RYR3: variants seen among roughly 807,000 people sequenced by gnomAD.
RYR3 encodes ryanodine receptor 3, also known as brain ryanodine receptor-calcium release channel.
RYR3 carries 207 observed loss-of-function variants against 584.3 expected under a neutral mutation model. The observed-to-expected ratio is 0.35, with a 90% CI of 0.32 to 0.40. The LOEUF (loss-of-function observed/expected upper bound fraction) is 0.40. Among genes scored for constraint, RYR3 ranks in the 10% least tolerant of loss-of-function variants. RYR3 has a pLI of 1.00. For synonymous variants in RYR3, 2,416 were observed against 2,248.5 expected (o/e 1.07, Z -2.11); for missense variants, 5,616 against 6,089.2 (o/e 0.92, Z 2.59).
At chr15:33,723,174 G>T (rs1258187500) in intron 44 of RYR3, among the ~76,000 whole-genome samples, 1 of 152,224 alleles carries the variant, frequency 6.6e-6, no homozygotes, top group Non-Finnish European at 1.5e-5. Flanking sequence ...TCACCATGGG[G>T]TAGGAAGCTA....
intron 60 of RYR3, among the ~76,000 whole-genome samples, chr15:33,758,870 C>T (rs1429935214): frequency 2.0e-5 from 3 of 152,164 alleles, no homozygotes; most frequent in Non-Finnish European, 2.9e-5. Flanking sequence ...CAGCAGGGGT[C>T]GACAGACACC....
intron 61 of RYR3, 107 bp from the exon 62 acceptor site, chr15:33,769,005 T>A: frequency 1.2e-6 from 1 of 844,852 alleles, no homozygotes; most frequent in South Asian, 1.4e-5. Context: ...CTTTATGTGT[T>A]GGTAGTTAAT....
At chr15:33,326,824 T>G (rs1027327483) in intron 1 of RYR3, among the ~76,000 whole-genome samples, 22 of 152,294 alleles carry the variant, frequency 1.4e-4, no homozygotes, top group African/African-American at 4.8e-4. Context: ...AGTCTAAAAA[T>G]TTTGAACATA....
chr15:33,350,574 TG>T (rs1265851024), intron 1 of RYR3, among the ~76,000 whole-genome samples: 3 of 151,684 alleles, frequency 2.0e-5, no homozygotes, highest in African/African-American at 7.3e-5. Flanking sequence ...CAGACCACAG[TG>T]CAATCAAACT....
At chr15:33,413,123 A>G (rs1295479829) in intron 1 of RYR3, among the ~76,000 whole-genome samples, 1 of 152,218 alleles carries the variant, frequency 6.6e-6, no homozygotes. Context: ...AACCTCTTGA[A>G]TTCTGGCATG....
chr15:33,659,726 C>T lies in RYR3; in HGVS notation c.4315C>T (p.Pro1439Ser). The T allele has an allele frequency of 4.4e-6, 7 of 1,607,364 alleles. No individual in the cohort carries two copies. Among genetic ancestry groups the T allele is most frequent in the Non-Finnish European group, 6.0e-6 (7 of 1,173,938 alleles). Residue 1439 changes from proline (P) to serine (S), a missense_variant, in exon 33 of 104, where the codon CCT becomes TCT. Around this residue, in one of 9 missense-constraint regions of RYR3, gnomAD observed 753 missense variants for 741.0 expected, o/e 1.02. Transcript: ENST00000634891. ...GATTTGTTTTGATTTCCAGGTGGAG[C>T]CTAATACCAAAGTGTTTCCAGCAGT... is the stretch of plus-strand genomic sequence containing the variant. ...KELGTCYQVE[P>S]NTKVFPAVFL...
intron 1 of RYR3, among the ~76,000 whole-genome samples, chr15:33,461,779 C>T (rs2048057797): frequency 6.6e-6 from 1 of 152,184 alleles, no homozygotes; most frequent in South Asian, 2.1e-4. Flanking sequence ...TGCTGTCTTA[C>T]TCAGATTCTT....
Position 33,834,321 on chromosome 15 carries a change from CACAGTG to C in RYR3, c.11464-645_11464-640del, listed in dbSNP as rs751588710. Among the ~76,000 whole-genome samples the C allele has an allele frequency of 2.6e-3, 368 of 140,238 alleles. 2 individuals are homozygous for C. The highest frequency in any genetic ancestry group is 6.1e-3 in the East Asian group (28 of 4,590). 92.0% of individuals were successfully genotyped at this position (140,238 alleles called of 152,430 possible). A position where few individuals can be genotyped will look rare whatever the true frequency, so the allele number is the denominator to read the frequency against. On this transcript the variant is annotated intron_variant, in intron 86 of 103. Transcript: ENST00000634891. ...ACACACACACACACACACACACACA[CACAGTG>C]AGATTAACATGGAAAATGCAAACTA... is the stretch of plus-strand genomic sequence containing the variant.
intron 38 of RYR3, among the ~76,000 whole-genome samples, chr15:33,685,037 T>C: frequency 6.6e-6 from 1 of 151,950 alleles, no homozygotes; most frequent in Non-Finnish European, 1.5e-5. Context: ...ACTGTATCAA[T>C]TAACAGGCAA....
chr15:33,666,465 A>G (rs1283548759), intron 36 of RYR3, among the ~76,000 whole-genome samples: 1 of 152,218 alleles, frequency 6.6e-6, no homozygotes, highest in African/African-American at 2.4e-5. Flanking sequence ...CATCCCTCTC[A>G]GAGTATTCAC....
chr15:33,431,006 A>G (rs909189540), intron 1 of RYR3, among the ~76,000 whole-genome samples: 1 of 152,170 alleles, frequency 6.6e-6, no homozygotes, highest in Non-Finnish European at 1.5e-5. Context: ...AACTAGACTT[A>G]GGGGCTCAAA....
intron 83 of RYR3, 104 bp from the exon 84 acceptor site, chr15:33,826,568 C>T: frequency 2.8e-6 from 3 of 1,083,792 alleles, no homozygotes; most frequent in Non-Finnish European, 2.9e-6. Context: ...CTTTTCCAAA[C>T]CATTCTGACA....
intron 21 of RYR3, among the ~76,000 whole-genome samples, chr15:33,629,299 T>C (rs1420275956): frequency 3.9e-5 from 6 of 152,234 alleles, no homozygotes; most frequent in African/African-American, 1.4e-4. Context: ...CCGAGTCACA[T>C]GTACTTGAAG....
In RYR3 at chr15:33,780,307, G is replaced by T; in HGVS notation, c.9234G>T (p.Ser3078=). 1 of 1,613,784 alleles carries T rather than the reference G, an allele frequency of 6.2e-7. No homozygotes were observed. Among genetic ancestry groups the T allele is most frequent in the South Asian group, 1.1e-5 (1 of 91,034 alleles). ...EPTLNRYNPL[S]VFNTKTPRER... ...CCCTTAATCGCTACAATCCACTCTCGGTCTTCAACACCAAAACCCCCAGGG... is the reference window on the plus strand; with the variant it reads ...CCCTTAATCGCTACAATCCACTCTCTGTCTTCAACACCAAAACCCCCAGGG... Residue 3078 remains serine (S), a synonymous_variant, in exon 65 of 104, where the codon TCG becomes TCT. Transcript: ENST00000634891.
intron 19 of RYR3, among the ~76,000 whole-genome samples, chr15:33,617,876 C>T (rs370413708): frequency 6.6e-6 from 1 of 152,126 alleles, no homozygotes; most frequent in Non-Finnish European, 1.5e-5. Flanking sequence ...ATGTCATAGC[C>T]TCTTTTCTCT....
chr15:33,831,730 T>C (rs962334915), intron 86 of RYR3, among the ~76,000 whole-genome samples: 1 of 152,224 alleles, frequency 6.6e-6, no homozygotes, highest in East Asian at 1.9e-4. Flanking sequence ...AGAGGATATA[T>C]TCAGGCATAA....
intron 2 of RYR3, among the ~76,000 whole-genome samples, chr15:33,493,648 G>A (rs1288192858): frequency 6.6e-6 from 1 of 152,170 alleles, no homozygotes; most frequent in African/African-American, 2.4e-5. Context: ...TGTGCTGCCA[G>A]GCAGAGGGAA....
chr15:33,731,398 A>G lies in RYR3; in HGVS notation c.7204-76A>G, dbSNP rs542384891. Reference sequence around the variant, plus strand: ...TATATAAGCTCCCACAGCTTGCTACATGGGAACTCTGTGCAGAGCCAGCTT... The same window carrying G: ...TATATAAGCTCCCACAGCTTGCTACGTGGGAACTCTGTGCAGAGCCAGCTT... On this transcript the variant is annotated intron_variant, in intron 47 of 103. Coordinates refer to ENST00000634891, the MANE Select transcript of RYR3 (RefSeq NM_001036.6). 62 of 1,031,786 alleles carry G rather than the reference A, an allele frequency of 6.0e-5. No individual in the cohort carries two copies. In the East Asian group the frequency reaches 1.5e-3, roughly 25 times the overall value. The allele number at this position is 1,031,786 out of a possible 1,614,324, so 63.9% of individuals were successfully genotyped here. A position where few individuals can be genotyped will look rare whatever the true frequency, so the allele number is the denominator to read the frequency against.
intron 16 of RYR3, among the ~76,000 whole-genome samples, chr15:33,592,213 A>AG (rs1567614889): frequency 6.6e-6 from 1 of 152,188 alleles, no homozygotes; most frequent in African/African-American, 2.4e-5. Flanking sequence ...CTCCAAGGCC[A>AG]GTGGGAGGGC....
Sources: gnomAD v4.1 joint callset for allele counts (sites outside exome capture counted in the v4.1 genomes callset) on GRCh38, gnomAD v4.1.1 for gene constraint, gnomAD v4.1.1 regional missense constraint, MANE v1.5 for transcripts, NCBI Gene and HGNC (gene_info 2026-07-23, HGNC 2026-07-21) for gene names.